GPR149: variants seen among roughly 807,000 people sequenced by gnomAD.
The protein encoded by GPR149 is G protein-coupled receptor 149.
In GPR149, 50 loss-of-function variants were observed where a neutral mutation model predicts 50.2. The ratio of observed to expected loss-of-function variants is 1.00; its 90% CI spans 0.79 to 1.26. The LOEUF (loss-of-function observed/expected upper bound fraction) is 1.26. Ranked by LOEUF, GPR149 falls within the 50% of genes most tolerant of loss-of-function variation. GPR149 has a pLI of 0.00. For synonymous variants in GPR149, 405 were observed against 358.2 expected, an observed-to-expected ratio of 1.13 and a Z score of -1.48; for missense variants, 983 against 895.4, an observed-to-expected ratio of 1.10 and a Z score of -1.25.
chr3:154,340,221 G>A (rs1286744519), intron 3 of GPR149, among the ~76,000 whole-genome samples: 1 of 152,126 alleles, frequency 6.6e-6, no homozygotes, highest in Non-Finnish European at 1.5e-5. Flanking sequence ...AGGAGACCTA[G>A]GAACCTAACT....
chr3:154,394,286 A>T (rs970926913), intron 3 of GPR149, among the ~76,000 whole-genome samples: 2 of 152,110 alleles, frequency 1.3e-5, no homozygotes, highest in African/African-American at 2.4e-5. Flanking sequence ...CTAATCTTTA[A>T]GAAGGGCACC....
At chr3:154,404,449 G>C (rs1711620187) in intron 3 of GPR149, among the ~76,000 whole-genome samples, 2 of 152,098 alleles carry the variant, frequency 1.3e-5, no homozygotes, top group Non-Finnish European at 2.9e-5. Context: ...TCCACACACA[G>C]AGTTTTAGAG....
Position 154,351,311 on chromosome 3 carries a change from T to TGCAAAAAA in GPR149, c.1624-13041_1624-13040insTTTTTTGC, listed in dbSNP as rs1341107044. ...GTGCTAGGGCAATTAGACATCCACA[T>TGCAAAAAA]ACAAAAAAAAAAAAAAAAAAAAAAA... is the stretch of plus-strand genomic sequence containing the variant. On this transcript the variant is annotated intron_variant, in intron 3 of 3. Coordinates refer to ENST00000389740, the MANE Select transcript of GPR149 (RefSeq NM_001038705.3). Among the ~76,000 whole-genome samples the TGCAAAAAA allele has an allele frequency of 3.8e-3, 74 of 19,698 alleles. 12 individuals are homozygous for TGCAAAAAA. Among genetic ancestry groups the TGCAAAAAA allele is most frequent in the South Asian group, 5.6e-3 (2 of 360 alleles). 12.9% of individuals were successfully genotyped at this position (19,698 alleles called of 152,430 possible).
chr3:154,426,905 T>C (rs950200520), intron 2 of GPR149, among the ~76,000 whole-genome samples: 11 of 141,664 alleles, frequency 7.8e-5, no homozygotes, highest in African/African-American at 1.5e-4. Flanking sequence ...TGTGTGTGTG[T>C]GTGTGTGTGA....
intron 3 of GPR149, among the ~76,000 whole-genome samples, chr3:154,368,852 G>C (rs921956394): frequency 6.6e-6 from 1 of 152,174 alleles, no homozygotes; most frequent in African/African-American, 2.4e-5. Context: ...CACGTAAATT[G>C]GGCCTTAGCA....
At chr3:154,339,849 G>T (rs1029388141) in intron 3 of GPR149, among the ~76,000 whole-genome samples, 6 of 130,672 alleles carry the variant, frequency 4.6e-5, no homozygotes, top group Non-Finnish European at 9.2e-5. Flanking sequence ...GAATGCAGTG[G>T]CTCGATCTCG....
rs527609541 is a variant in GPR149, at chr3:154,428,696, G to T, written c.920C>A (p.Ala307Glu). 1 of 1,614,092 alleles carries T rather than the reference G, an allele frequency of 6.2e-7. No individual in the cohort carries two copies. Among genetic ancestry groups the T allele is most frequent in the African/African-American group, 1.3e-5 (1 of 75,040 alleles). The change falls in exon 1 of 4, where the codon GCG becomes GAG. Residue 307 changes from alanine (A) to glutamate (E), a missense_variant. Coordinates refer to ENST00000389740, the MANE Select transcript of GPR149 (RefSeq NM_001038705.3). The stretch of plus-strand genomic sequence containing the variant: ...TAGGATCAAAGCGAAGCGCTTCTGC[G>T]CTACGCTCACGGTGAAGCTCCTGGT... Reference protein sequence around the residue: ...YGTRSFTVSVAQKRFALILAL... With the variant: ...YGTRSFTVSVEQKRFALILAL...
rs1451307301 is a variant in GPR149 at position 154,338,034 on chromosome 3, C to T, written c.1861G>A (p.Val621Ile). The change falls in exon 4 of 4, where the codon GTT (valine) becomes ATT (isoleucine). Residue 621 changes from valine to isoleucine, a missense_variant. By Grantham distance (29) the Val-to-Ile change is conservative. Transcript: ENST00000389740. ...TCTTCATTATCACAAATTTCAAGAA[C>T]CTCCAAGTGTATTTTCACACTGGTG... ...VDTSVKIHLE[V>I]LEICDNEEAL... 6.2e-7 allele frequency: 1 copy of T among 1,614,236 alleles called. No individual in the cohort carries two copies. Among genetic ancestry groups the T allele is most frequent in the East Asian group, 2.2e-5 (1 of 44,884 alleles).
intron 2 of GPR149, among the ~76,000 whole-genome samples, chr3:154,425,509 A>G (rs1576933060): frequency 6.6e-6 from 1 of 152,066 alleles, no homozygotes; most frequent in East Asian, 1.9e-4. Context: ...AGACAGTAGA[A>G]ACACATCATT....
At chr3:154,363,030 C>G (rs1410646329) in intron 3 of GPR149, among the ~76,000 whole-genome samples, 2 of 152,046 alleles carry the variant, frequency 1.3e-5, no homozygotes, top group Non-Finnish European at 2.9e-5. Flanking sequence ...GTGCAAAGGT[C>G]TTGTAGAAAG....
chr3:154,352,770 A>T, intron 3 of GPR149: 1 of 801,674 alleles, frequency 1.2e-6, no homozygotes, highest in Non-Finnish European at 2.3e-6. Flanking sequence ...TTTTAGATTT[A>T]ACTAAATCCA....
At chr3:154,342,697 C>T (rs1458755355) in intron 3 of GPR149, among the ~76,000 whole-genome samples, 2 of 152,142 alleles carry the variant, frequency 1.3e-5, no homozygotes, top group African/African-American at 2.4e-5. Context: ...CCATGGCCAC[C>T]ATGCCTGGCC....
At chr3:154,412,072 C>T (rs961815126) in intron 3 of GPR149, among the ~76,000 whole-genome samples, 1 of 152,052 alleles carries the variant, frequency 6.6e-6, no homozygotes, top group African/African-American at 2.4e-5. Flanking sequence ...TGTAATACAC[C>T]ACATAAACAG....
intron 3 of GPR149, among the ~76,000 whole-genome samples, chr3:154,377,556 G>A (rs951915493): frequency 2.6e-5 from 4 of 151,748 alleles, no homozygotes; most frequent in Admixed American, 6.6e-5. Flanking sequence ...TAGTGGAGAC[G>A]GTGTTTCACC....
intron 3 of GPR149, among the ~76,000 whole-genome samples, chr3:154,361,552 C>T (rs1424819544): frequency 6.6e-6 from 1 of 152,090 alleles, no homozygotes; most frequent in Non-Finnish European, 1.5e-5. Flanking sequence ...ATCATATGCA[C>T]TAATGTATAT....
intron 3 of GPR149, among the ~76,000 whole-genome samples, chr3:154,365,177 A>G (rs1237193507): frequency 1.3e-5 from 2 of 152,122 alleles, no homozygotes; most frequent in Non-Finnish European, 2.9e-5. Context: ...TTCAATGATG[A>G]ATGTTGATAC....
At chr3:154,356,391 G>T (rs1261839564) in intron 3 of GPR149, among the ~76,000 whole-genome samples, 1 of 152,158 alleles carries the variant, frequency 6.6e-6, no homozygotes, top group East Asian at 1.9e-4. Context: ...AAGTCAAATT[G>T]TCCCTGTTTG....
At chr3:154,364,933 G>A (rs1419380339) in intron 3 of GPR149, among the ~76,000 whole-genome samples, 1 of 152,188 alleles carries the variant, frequency 6.6e-6, no homozygotes, top group Non-Finnish European at 1.5e-5. Context: ...CTCTGTGGTG[G>A]CCCCACCTTC....
At chr3:154,369,587 C>T (rs1295786359) in intron 3 of GPR149, among the ~76,000 whole-genome samples, 2 of 152,202 alleles carry the variant, frequency 1.3e-5, no homozygotes, top group African/African-American at 2.4e-5. Flanking sequence ...ACGTAAACTC[C>T]GTGAGCCAGG....
Sources: gnomAD v4.1 joint callset for allele counts (sites outside exome capture counted in the v4.1 genomes callset) on GRCh38, gnomAD v4.1.1 for gene constraint, MANE v1.5 for transcripts, NCBI Gene and HGNC (gene_info 2026-07-23, HGNC 2026-07-21) for gene names.